Variants in RBFOX1 observed in about 807,000 individuals in gnomAD.
The protein encoded by RBFOX1 is RNA binding protein fox-1 homolog 1.
RBFOX1 carries 8 observed loss-of-function variants against 57.7 expected under a neutral mutation model. The ratio of observed to expected loss-of-function variants is 0.14; its 90% CI spans 0.08 to 0.25. RBFOX1 has a LOEUF of 0.25. Among genes scored for constraint, RBFOX1 ranks in the 10% least tolerant of loss-of-function variants. RBFOX1 has a pLI of 1.00. For synonymous variants in RBFOX1, 326 were observed against 222.4 expected (o/e 1.47, Z -4.15); for missense variants, 611 against 548.5 (o/e 1.11, Z -1.14).
At chr16:5,982,046 C>T (rs1307394059) in intron 4 of RBFOX1, among the ~76,000 whole-genome samples, 4 of 152,136 alleles carry the variant, frequency 2.6e-5, no homozygotes, top group Non-Finnish European at 5.9e-5. Flanking sequence ...GTCAAAAGGC[C>T]AGGACACATC....
intron 2 of RBFOX1, among the ~76,000 whole-genome samples, chr16:5,481,419 T>A (rs1395691465): frequency 6.6e-6 from 1 of 152,238 alleles, no homozygotes; most frequent in Non-Finnish European, 1.5e-5. Context: ...CCATTTGAAT[T>A]GTCTAACCCA....
intron 4 of RBFOX1, among the ~76,000 whole-genome samples, chr16:7,264,439 T>G (rs1261950973): frequency 1.3e-5 from 2 of 152,192 alleles, no homozygotes; most frequent in Non-Finnish European, 2.9e-5. Flanking sequence ...GTCCAGTGTC[T>G]TGCTCAAACT....
At chr16:6,554,529 T>C (rs922212050) in intron 2 of RBFOX1, among the ~76,000 whole-genome samples, 1 of 152,216 alleles carries the variant, frequency 6.6e-6, no homozygotes, top group Non-Finnish European at 1.5e-5. Flanking sequence ...GTGAATTTTA[T>C]GGTTTATGAA....
At chr16:6,833,660 G>A (rs931788643) in intron 3 of RBFOX1, among the ~76,000 whole-genome samples, 1 of 152,150 alleles carries the variant, frequency 6.6e-6, no homozygotes, top group African/African-American at 2.4e-5. Flanking sequence ...CTTCCCATTG[G>A]CACCTAGAAT....
intron 2 of RBFOX1, among the ~76,000 whole-genome samples, chr16:6,631,951 C>A (rs1484385129): frequency 6.6e-6 from 1 of 152,106 alleles, no homozygotes; most frequent in African/African-American, 2.4e-5. Flanking sequence ...GGGCAAAGAG[C>A]TATGTTGGGA....
At chr16:5,629,019 T>A (rs887507154) in intron 3 of RBFOX1, among the ~76,000 whole-genome samples, 2 of 152,122 alleles carry the variant, frequency 1.3e-5, no homozygotes, top group Admixed American at 1.3e-4. Context: ...AATGATGCCA[T>A]CCAGGCCCCA....
chr16:6,984,509 C>T (rs1001970103), intron 3 of RBFOX1, among the ~76,000 whole-genome samples: 2 of 152,158 alleles, frequency 1.3e-5, no homozygotes, highest in African/African-American at 2.4e-5. Flanking sequence ...CCTAAAGTCT[C>T]CTCACCTTTA....
chr16:6,215,257 G>C, intron 1 of RBFOX1, among the ~76,000 whole-genome samples: 1 of 130,590 alleles, frequency 7.7e-6, no homozygotes, highest in Non-Finnish European at 1.6e-5. Context: ...AAGGGAGAGA[G>C]AGAAGGGCAG....
intron 1 of RBFOX1, among the ~76,000 whole-genome samples, chr16:5,349,936 C>A (rs1467420414): frequency 1.3e-5 from 2 of 152,162 alleles, no homozygotes; most frequent in Non-Finnish European, 2.9e-5. Flanking sequence ...TCCTTCCCAG[C>A]ACAAGGCATT....
intron 4 of RBFOX1, among the ~76,000 whole-genome samples, chr16:7,085,097 T>TTG (rs113032117): frequency 5.0e-4 from 75 of 151,382 alleles, no homozygotes; most frequent in Admixed American, 1.4e-3. Context: ...GTATCTAAAG[T>TTG]TGTGTGTGTG....
chr16:7,539,373 C>G (rs999444408), intron 5 of RBFOX1, among the ~76,000 whole-genome samples: 1 of 152,098 alleles, frequency 6.6e-6, no homozygotes, highest in African/African-American at 2.4e-5. Flanking sequence ...AGCCAGGTGT[C>G]CCTCATCTCT....
chr16:6,725,308 C>T (rs1054321136), intron 3 of RBFOX1, among the ~76,000 whole-genome samples: 14 of 151,962 alleles, frequency 9.2e-5, no homozygotes, highest in African/African-American at 3.4e-4. Context: ...ACCTCGGCCT[C>T]CCAAAGTGCT....
At chr16:5,658,215 G>A (rs1002086883) in intron 3 of RBFOX1, among the ~76,000 whole-genome samples, 2 of 152,138 alleles carry the variant, frequency 1.3e-5, no homozygotes, top group South Asian at 4.2e-4. Context: ...CTTCTCTTTT[G>A]TTACTGGAGA....
At chr16:7,587,345 ATGTT>A in intron 7 of RBFOX1, 45 bp downstream of exon 7, 2 of 1,464,546 alleles carry the variant, frequency 1.4e-6, no homozygotes, top group Non-Finnish European at 1.8e-6. Context: ...TTATTTTTAA[ATGTT>A]TGTTATGAAT....
chr16:7,624,540 C>A (rs574488873), intron 10 of RBFOX1, among the ~76,000 whole-genome samples: 1 of 152,286 alleles, frequency 6.6e-6, no homozygotes, highest in Admixed American at 6.5e-5. Flanking sequence ...ACCCCAAAGC[C>A]CAGCACAGTG....
upstream of RBFOX1, among the ~76,000 whole-genome samples, chr16:6,014,334 A>G (rs139153406): frequency 1.5e-3 from 225 of 152,300 alleles, 2 homozygotes; most frequent in African/African-American, 5.2e-3. Flanking sequence ...AAAAGGAATG[A>G]GCCCAAGTAG....
At chr16:6,972,582 G>C (rs1213770107) in intron 3 of RBFOX1, among the ~76,000 whole-genome samples, 2 of 152,092 alleles carry the variant, frequency 1.3e-5, no homozygotes, top group Non-Finnish European at 2.9e-5. Flanking sequence ...TTTTTATACT[G>C]ATTGGAATGT....
chr16:5,676,301 G>T (rs548586201), intron 3 of RBFOX1, among the ~76,000 whole-genome samples: 1 of 151,870 alleles, frequency 6.6e-6, no homozygotes, highest in African/African-American at 2.4e-5. Flanking sequence ...CCACCCATTT[G>T]TGTATCCATT....
chr16:6,009,930 C>T (rs1028568835), intron 4 of RBFOX1, among the ~76,000 whole-genome samples: 1 of 152,004 alleles, frequency 6.6e-6, no homozygotes, highest in Non-Finnish European at 1.5e-5. Context: ...TTTTGATAAG[C>T]ATTACAGATG....
Sources: allele counts gnomAD v4.1 joint callset (sites outside exome capture counted in the v4.1 genomes callset), GRCh38; gene constraint gnomAD v4.1.1; transcripts MANE v1.5; gene names NCBI Gene and HGNC (gene_info 2026-07-23, HGNC 2026-07-21).